Variants in ZMYM2 observed in about 807,000 individuals in gnomAD.
ZMYM2 encodes zinc finger MYM-type protein 2.
A neutral mutation model predicts 162.8 loss-of-function variants in ZMYM2; 56 were observed. The observed-to-expected ratio is 0.34, with a 90% confidence interval of 0.28 to 0.43. ZMYM2 has a LOEUF of 0.43. Among genes scored for constraint, ZMYM2 ranks in the 20% least tolerant of loss-of-function variants. The pLI, the probability that ZMYM2 is intolerant of heterozygous loss-of-function variation, is 1.00. For synonymous variants in ZMYM2, 510 were observed against 541.6 expected, an observed-to-expected ratio of 0.94 and a Z score of 0.81; for missense variants, 1,275 against 1,621.8, an observed-to-expected ratio of 0.79 and a Z score of 3.67.
Position 19,993,524 on chromosome 13 carries a change from A to G in ZMYM2, c.452A>G (p.Asn151Ser). 11 of 1,614,042 alleles carry G rather than the reference A, an allele frequency of 6.8e-6. No individual in the cohort carries two copies. The highest frequency in any genetic ancestry group is 6.7e-5 in the East Asian group (3 of 44,880). ...CCTCCTGAGACTAAAAACAGAACCA[A>G]TGATGTGGATTTCTCCACTTCCAGT... ...RRPPETKNRT[N>S]DVDFSTSSFS... Residue 151 changes from asparagine to serine, a missense_variant, in exon 3 of 25, where the codon AAT becomes AGT. By Grantham distance (46) the Asn-to-Ser change is conservative. This residue lies in a region of ZMYM2 where 295 missense variants were observed against 286.7 expected (regional missense o/e 1.03). Coordinates refer to ENST00000610343, the MANE Select transcript of ZMYM2 (RefSeq NM_197968.4).
At chr13:19,999,170 A>T (rs114752117) in intron 3 of ZMYM2, among the ~76,000 whole-genome samples, 2 of 152,212 alleles carry the variant, frequency 1.3e-5, no homozygotes, top group Non-Finnish European at 2.9e-5. Flanking sequence ...TGGTAGAGGA[A>T]TTTGACATTG....
rs796692110 is a variant in ZMYM2, at chr13:19,974,478, CT to C, written c.-11+14467del. 1.9e-3 allele frequency among the ~76,000 whole-genome samples: 274 copies of C among 141,040 alleles called. 1 individual carries two copies. Among genetic ancestry groups the C allele is most frequent in the Non-Finnish European group, 2.0e-3 (127 of 64,282 alleles). The allele number at this position is 141,040 out of a possible 152,430, so 92.5% of individuals were successfully genotyped here. A position where few individuals can be genotyped will look rare whatever the true frequency, so the allele number is the denominator to read the frequency against. On this transcript the variant is annotated intron_variant, in intron 2 of 24. Transcript: ENST00000610343. ...TGATTTTACCATGAATATCCTTCTA[CT>C]TTTTTTTTTTTTTTGAGACAGACTC...
intron 6 of ZMYM2, among the ~76,000 whole-genome samples, chr13:20,010,572 GTC>G (rs1431988186): frequency 6.6e-6 from 1 of 152,018 alleles, no homozygotes; most frequent in African/African-American, 2.4e-5. Context: ...TTCAAGTCCT[GTC>G]TCTGTTTTTG....
the ZMYM2 span, among the ~76,000 whole-genome samples, chr13:19,951,983 T>C: frequency 4.6e-5 from 7 of 152,116 alleles, no homozygotes; most frequent in Non-Finnish European, 8.8e-5. Context: ...ATGGAGTATA[T>C]GTAAGTGTCC....
the ZMYM2 span, among the ~76,000 whole-genome samples, chr13:19,876,564 C>CT: frequency 6.6e-6 from 1 of 152,084 alleles, no homozygotes; most frequent in Admixed American, 6.6e-5. Flanking sequence ...CTCAAGTGAT[C>CT]TGCCTGCCCT....
At chr13:19,959,050 G>A (rs1387346334) in intron 1 of ZMYM2, among the ~76,000 whole-genome samples, 3 of 151,758 alleles carry the variant, frequency 2.0e-5, no homozygotes, top group African/African-American at 7.2e-5. Context: ...GGCCTCGGGG[G>A]CAGCTCGGGG....
the ZMYM2 span, among the ~76,000 whole-genome samples, chr13:19,914,706 T>C: frequency 1.1e-4 from 16 of 152,202 alleles, no homozygotes; most frequent in Admixed American, 5.2e-4. Flanking sequence ...CCACAAAGCA[T>C]TGCTTCTGAT....
the ZMYM2 span, among the ~76,000 whole-genome samples, chr13:19,893,765 T>C: frequency 6.6e-6 from 1 of 151,432 alleles, no homozygotes; most frequent in East Asian, 1.9e-4. Flanking sequence ...AAAAAATAAA[T>C]AAATAAATAA....
At chr13:20,083,146 T>G (rs9509029) in intron 23 of ZMYM2, 114 bp downstream of exon 23, 888,948 of 1,089,750 alleles carry the variant, frequency 0.82, 374,528 homozygotes, top group Non-Finnish European at 0.87. Context: ...CACCGCAACC[T>G]CTACCTCCTG....
intron 18 of ZMYM2, 79 bp downstream of exon 18, chr13:20,063,050 G>A: frequency 7.0e-7 from 1 of 1,432,956 alleles, no homozygotes; most frequent in Non-Finnish European, 9.3e-7. Flanking sequence ...TGATGTTTGT[G>A]TCATTGCCTT....
At chr13:19,976,147 C>T (rs1215578491) in intron 2 of ZMYM2, among the ~76,000 whole-genome samples, 3 of 152,000 alleles carry the variant, frequency 2.0e-5, no homozygotes, top group African/African-American at 4.8e-5. Context: ...TCCTGCCCAA[C>T]GTGGTAAACA....
intron 12 of ZMYM2, 111 bp from the exon 13 acceptor site, chr13:20,051,315 AGTTCTAC>A: frequency 1.3e-6 from 1 of 786,502 alleles, no homozygotes; most frequent in Non-Finnish European, 1.8e-6. Flanking sequence ...TTTATATTAT[AGTTCTAC>A]TTTTTCTGTA....
Position 20,088,844 on chromosome 13 carries a change from T to A in ZMYM2, c.*2830T>A. On this transcript the variant is annotated 3_prime_UTR_variant, in exon 25 of 25. Coordinates refer to ENST00000610343, the MANE Select transcript of ZMYM2 (RefSeq NM_197968.4). ...CTTCTTTATGCATAGTATTAAGGGTTATAGTATGAAGAAATCATAAAATTG... is the reference window on the plus strand; with the variant it reads ...CTTCTTTATGCATAGTATTAAGGGTAATAGTATGAAGAAATCATAAAATTG... The A allele has an allele frequency of 1.0e-5, 2 of 194,780 alleles. No individual in the cohort carries two copies. The highest frequency in any genetic ancestry group is 2.1e-5 in the Non-Finnish European group (2 of 93,440). 12.1% of individuals were successfully genotyped at this position (194,780 alleles called of 1,614,324 possible). A position where few individuals can be genotyped will look rare whatever the true frequency, so the allele number is the denominator to read the frequency against.
chr13:19,976,299 G>A (rs1392634505), intron 2 of ZMYM2, among the ~76,000 whole-genome samples: 1 of 150,208 alleles, frequency 6.7e-6, no homozygotes, highest in Non-Finnish European at 1.5e-5. Flanking sequence ...CTGCACTCCA[G>A]CCTGGCGACA....
chr13:19,930,926 T>G, the ZMYM2 span, among the ~76,000 whole-genome samples: 15 of 149,866 alleles, frequency 1.0e-4, no homozygotes, highest in African/African-American at 3.7e-4. Context: ...GATCAAGAGG[T>G]CAGGAGATCG....
At chr13:20,031,890 T>TC (rs1953192708) in intron 10 of ZMYM2, among the ~76,000 whole-genome samples, 1 of 151,564 alleles carries the variant, frequency 6.6e-6, no homozygotes, top group East Asian at 1.9e-4. Context: ...TTTCTTTTTT[T>TC]CTCAGAGTCT....
At chr13:19,883,217 A>G in the ZMYM2 span, among the ~76,000 whole-genome samples, 4 of 152,212 alleles carry the variant, frequency 2.6e-5, no homozygotes, top group Non-Finnish European at 5.9e-5. Flanking sequence ...GACAGGAACC[A>G]GATAGGTGGT....
the ZMYM2 span, among the ~76,000 whole-genome samples, chr13:19,942,189 A>G: frequency 6.6e-6 from 1 of 152,094 alleles, no homozygotes; most frequent in African/African-American, 2.4e-5. Context: ...AATTTTCAAC[A>G]CAGCTTTATG....
intron 2 of ZMYM2, among the ~76,000 whole-genome samples, chr13:19,974,403 C>T (rs961438424): frequency 6.6e-6 from 1 of 151,494 alleles, no homozygotes; most frequent in Non-Finnish European, 1.5e-5. Context: ...TCTTTGTCAT[C>T]ATTAATTTTA....
Sources: gnomAD v4.1 joint callset for allele counts (sites outside exome capture counted in the v4.1 genomes callset) on GRCh38, gnomAD v4.1.1 for gene constraint, gnomAD v4.1.1 regional missense constraint, MANE v1.5 for transcripts, NCBI Gene and HGNC (gene_info 2026-07-23, HGNC 2026-07-21) for gene names.